NT5DC4: variants seen among roughly 807,000 people sequenced by gnomAD.
NT5DC4 encodes 5'-nucleotidase domain-containing protein 4.
NT5DC4 carries 44 observed loss-of-function variants against 26.6 expected under a neutral mutation model. The observed-to-expected ratio is 1.65, with a 90% CI of 1.30 to 2.13. NT5DC4 has a LOEUF of 2.13. NT5DC4 is among the 30% of genes most tolerant of loss of function. The probability of loss-of-function intolerance (pLI) is 0.00; values close to 1 mark genes in which losing one functional copy is unlikely to be tolerated. For synonymous variants in NT5DC4, 157 were observed against 86.7 expected (o/e 1.81, Z -4.51); for missense variants, 399 against 228.1 (o/e 1.75, Z -4.83).
At chr2:112,737,210 C>A (rs552119066) in intron 16 of NT5DC4, 1 of 152,176 alleles carries the variant, frequency 6.6e-6, no homozygotes, top group African/African-American at 2.4e-5. Flanking sequence ...TGAGTCACTG[C>A]GCCCAGCTGG....
chr2:112,727,015 T>G, intron 15 of NT5DC4: 1 of 516,082 alleles, frequency 1.9e-6, no homozygotes, highest in Non-Finnish European at 3.5e-6. Context: ...GCCCGGGAAG[T>G]GCCTGCGTGC....
chr2:112,742,648 G>A, downstream of NT5DC4: 1 of 1,128,554 alleles, frequency 8.9e-7, no homozygotes, highest in Non-Finnish European at 1.3e-6. Context: ...TATATGTCCT[G>A]GATGATTTTT....
upstream of NT5DC4, among the ~76,000 whole-genome samples, chr2:112,719,967 TTTCTTTCTTTCTTTCTTTCTTTTTC>T (rs1353342220): frequency 8.4e-5 from 11 of 131,144 alleles, no homozygotes; most frequent in African/African-American, 2.1e-4. Context: ...TCTTTCTTTC[TTTCTTTCTTTCTTTCTTTCTTTTTC>T]TTTTCTTTTC....
At chr2:112,741,015 T>A, downstream of NT5DC4, 1 of 1,574,712 alleles carries the variant, frequency 6.4e-7, no homozygotes, top group Non-Finnish European at 8.7e-7. Flanking sequence ...TCCCTGTGTA[T>A]GTAAGATCAT....
chr2:112,734,169 A>ATATATATGTGTGTGTGTGTGTG (rs150412692), intron 16 of NT5DC4, among the ~76,000 whole-genome samples: 3 of 134,786 alleles, frequency 2.2e-5, no homozygotes, highest in African/African-American at 8.5e-5. Flanking sequence ...TATTATATAT[A>ATATATATGTGTGTGTGTGTGTG]TGTGTGTGTG....
chr2:112,729,571 T>TG (rs555218351), intron 15 of NT5DC4, 56 bp from the exon 16 acceptor site: 2 of 716,856 alleles, frequency 2.8e-6, no homozygotes, highest in South Asian at 1.5e-5. Flanking sequence ...TGAGGAATCC[T>TG]GGAAGGCCGT....
chr2:112,728,503 G>A (rs756058902), intron 15 of NT5DC4, among the ~76,000 whole-genome samples: 9 of 152,176 alleles, frequency 5.9e-5, no homozygotes, highest in African/African-American at 1.4e-4. Flanking sequence ...GAACCTGCAC[G>A]TGTCAGTCCT....
At chr2:112,736,185 T>C (rs929842005) in intron 16 of NT5DC4, among the ~76,000 whole-genome samples, 2 of 151,978 alleles carry the variant, frequency 1.3e-5, no homozygotes, top group Non-Finnish European at 2.9e-5. Context: ...GTGTCTGAGG[T>C]TCAAGGCAAG....
At chr2:112,723,979 A>G (rs1480641403) in intron 9 of NT5DC4, 115 bp from the exon 10 acceptor site, 1 of 705,472 alleles carries the variant, frequency 1.4e-6, no homozygotes, top group Admixed American at 2.0e-5. Context: ...AAGAATGAGC[A>G]ACTTTCTCAC....
downstream of NT5DC4, chr2:112,742,807 C>T: frequency 6.8e-7 from 1 of 1,477,506 alleles, no homozygotes; most frequent in South Asian, 1.2e-5. Flanking sequence ...ATCTTAAAAA[C>T]ATTCATGCAA....
intron 16 of NT5DC4, among the ~76,000 whole-genome samples, chr2:112,734,169 A>ATATATATGTGTGTG (rs150412692): frequency 1.8e-4 from 24 of 134,864 alleles, no homozygotes; most frequent in Admixed American, 8.3e-4. Flanking sequence ...TATTATATAT[A>ATATATATGTGTGTG]TGTGTGTGTG....
chr2:112,730,944 TG>T (rs2104780700), intron 16 of NT5DC4: 1 of 152,268 alleles, frequency 6.6e-6, no homozygotes, highest in South Asian at 2.1e-4. Flanking sequence ...GGGAAGCCTG[TG>T]GTTTGATCCC....
At chr2:112,722,902 T>TGAGC in intron 6 of NT5DC4, 131 bp downstream of exon 6, 2 of 162,976 alleles carry the variant, frequency 1.2e-5, no homozygotes, top group Middle Eastern at 3.3e-3. Flanking sequence ...TGGGAAGGCC[T>TGAGC]CTATTGCAGG....
chr2:112,726,825 C>T (rs1049505257), intron 15 of NT5DC4, 87 bp downstream of exon 15: 2 of 713,052 alleles, frequency 2.8e-6, no homozygotes, highest in East Asian at 5.4e-5. Flanking sequence ...CGGCTTTGTC[C>T]TCGGTGCCAA....
At position 112,725,426 on chromosome 2, in the gene NT5DC4, G is replaced by C. The variant is rs768890295; in HGVS notation, c.1027G>C (p.Asp343His). The C allele has an allele frequency of 1.5e-5, 11 of 716,478 alleles. No homozygotes were observed. The South Asian group carries it at 1.6e-4, about 11-fold the overall frequency. The allele number at this position is 716,478 out of a possible 1,614,324, so 44.4% of individuals were successfully genotyped here. A position where few individuals can be genotyped will look rare whatever the true frequency, so the allele number is the denominator to read the frequency against. ...VCELLGVRGM[D>H]ILYIGDHIFG... Reference sequence around the variant, plus strand: ...CGAGCTGCTTGGGGTTCGGGGGATGGACATCCTGTACATTGGGGACCACAT... The same window carrying C: ...CGAGCTGCTTGGGGTTCGGGGGATGCACATCCTGTACATTGGGGACCACAT... The change falls in exon 13 of 17, where the codon GAC (aspartate) becomes CAC (histidine). Residue 343 changes from aspartate to histidine, a missense_variant. Asp to His is a moderately conservative substitution (Grantham distance 81). Coordinates refer to ENST00000688554, the MANE Select transcript of NT5DC4 (RefSeq NM_001393655.1).
At chr2:112,739,208 C>G (rs1243985609), downstream of NT5DC4, among the ~76,000 whole-genome samples, 1 of 152,074 alleles carries the variant, frequency 6.6e-6, no homozygotes, top group Non-Finnish European at 1.5e-5. Context: ...ATGGCTTTTT[C>G]TAGGAGTTCG....
Position 112,723,469 on chromosome 2 carries a change from G to A in NT5DC4, c.672+1G>A. The A allele has an allele frequency of 1.4e-6, 1 of 717,198 alleles. No homozygotes were observed. The allele number at this position is 717,198 out of a possible 1,614,324, so 44.4% of individuals were successfully genotyped here. On this transcript the variant is annotated splice_donor_variant, in intron 8 of 16. Coordinates refer to ENST00000688554, the MANE Select transcript of NT5DC4 (RefSeq NM_001393655.1). LOFTEE classifies it high-confidence loss of function. ...CTTGGAGAAATATGTGAAGAAGGATGTGAGTGGCCACAGACCCAGGGCCAT... is the reference window on the plus strand; with the variant it reads ...CTTGGAGAAATATGTGAAGAAGGATATGAGTGGCCACAGACCCAGGGCCAT...
At chr2:112,742,791 T>C (rs1226283024), downstream of NT5DC4, 3 of 1,570,544 alleles carry the variant, frequency 1.9e-6, no homozygotes, top group Non-Finnish European at 2.6e-6. Flanking sequence ...GAAGAAAACA[T>C]ACAAAATCTT....
At chr2:112,726,535 C>T (rs182698494) in intron 14 of NT5DC4, 143 bp from the exon 15 acceptor site, 34 of 683,416 alleles carry the variant, frequency 5.0e-5, no homozygotes, top group South Asian at 4.7e-4. Flanking sequence ...TGCCCTCGCA[C>T]GCATGCACAC....
Sources: allele counts gnomAD v4.1 joint callset (sites outside exome capture counted in the v4.1 genomes callset), GRCh38; gene constraint gnomAD v4.1.1; transcripts MANE v1.5; gene names NCBI Gene and HGNC (gene_info 2026-07-23, HGNC 2026-07-21).